The following TP73 variants were observed in gnomAD, a reference collection of about 807,000 sequenced individuals.
The protein encoded by TP73 is p53-like transcription factor.
Under a neutral mutation model 62.5 loss-of-function variants are expected in TP73, and 25 were observed. The observed-to-expected ratio is 0.40, with a 90% CI of 0.29 to 0.56. The LOEUF (loss-of-function observed/expected upper bound fraction) is 0.56. Ranked by LOEUF, TP73 falls within the 20% of genes least tolerant of loss-of-function variation. The pLI, the probability that TP73 is intolerant of heterozygous loss-of-function variation, is 0.46. For missense variants in TP73, 754 were observed against 913.3 expected, an observed-to-expected ratio of 0.83 and a Z score of 2.25; for synonymous variants, 423 against 377.5, an observed-to-expected ratio of 1.12 and a Z score of -1.40.
chr1:3,699,822 G>A lies in TP73; in HGVS notation c.187-7727G>A, dbSNP rs1639004365. Reference sequence around the variant, plus strand: ...GGGCCAGCGGGGCGTCAGGATTTCAGCTGACATCCCTACTACGCTTTTTCA... The same window carrying A: ...GGGCCAGCGGGGCGTCAGGATTTCAACTGACATCCCTACTACGCTTTTTCA... On this transcript the variant is annotated intron_variant, in intron 3 of 13. Coordinates refer to ENST00000378295, the MANE Select transcript of TP73 (RefSeq NM_005427.4). The surrounding 1 kb of genome is among the most constrained non-coding windows in gnomAD (Gnocchi z 4.1). Among the ~76,000 whole-genome samples the A allele has an allele frequency of 6.6e-6, 1 of 152,176 alleles. No homozygotes were observed. The highest frequency in any genetic ancestry group is 2.1e-4 in the South Asian group (1 of 4,832).
At chr1:3,687,454 G>A (rs1259076437) in intron 3 of TP73, among the ~76,000 whole-genome samples, 1 of 152,182 alleles carries the variant, frequency 6.6e-6, no homozygotes, top group Non-Finnish European at 1.5e-5. Context: ...GTGGGGCGGG[G>A]GTCCTATCCT....
chr1:3,719,626 C>T lies in TP73; in HGVS notation c.430-2395C>T, dbSNP rs368630758. Among the ~76,000 whole-genome samples the T allele has an allele frequency of 8.5e-5, 13 of 152,364 alleles. No homozygotes were observed. In the East Asian group the frequency reaches 9.6e-4, roughly 11 times the overall value. On this transcript the variant is annotated intron_variant, in intron 4 of 13. Coordinates refer to ENST00000378295, the MANE Select transcript of TP73 (RefSeq NM_005427.4). Reference sequence around the variant, plus strand: ...TCCGAGTCCCAGAGGGTCTGTGCTGCGAGCTGTTCCCATGTGCCCTGGGGG... The same window carrying T: ...TCCGAGTCCCAGAGGGTCTGTGCTGTGAGCTGTTCCCATGTGCCCTGGGGG...
rs1639601508 is a variant in TP73, at chr1:3,706,086, G to A, written c.187-1463G>A. Among the ~76,000 whole-genome samples, 3 of 152,290 alleles carry A rather than the reference G, an allele frequency of 2.0e-5. No homozygotes were observed. The South Asian group carries it at 6.2e-4, about 32-fold the overall frequency. ...CACAGCACACCACAGCTTCTCTAAA[G>A]AGGGACACAGGGCAGAATGACCGCC... On this transcript the variant is annotated intron_variant, in intron 3 of 13. Coordinates refer to ENST00000378295, the MANE Select transcript of TP73 (RefSeq NM_005427.4).
intron 4 of TP73, among the ~76,000 whole-genome samples, chr1:3,719,844 G>A (rs903928023): frequency 3.9e-5 from 6 of 152,202 alleles, no homozygotes; most frequent in African/African-American, 1.4e-4. Flanking sequence ...GCACAGGGGT[G>A]GGCTGCTAGC....
intron 4 of TP73, among the ~76,000 whole-genome samples, chr1:3,710,471 C>T (rs1291215471): frequency 6.6e-6 from 1 of 152,152 alleles, no homozygotes; most frequent in Non-Finnish European, 1.5e-5. Flanking sequence ...CGGGTGCTGC[C>T]CAGCCCTGCT....
At chr1:3,725,990 G>A (rs1365187874) in intron 6 of TP73, among the ~76,000 whole-genome samples, 6 of 116,864 alleles carry the variant, frequency 5.1e-5, no homozygotes, top group Non-Finnish European at 3.6e-5. Flanking sequence ...TGGATGGATG[G>A]ATGGGATGGG....
At chr1:3,673,840 G>C (rs1207808183) in intron 1 of TP73, among the ~76,000 whole-genome samples, 1 of 152,226 alleles carries the variant, frequency 6.6e-6, no homozygotes, top group Admixed American at 6.5e-5. Context: ...TTTCCAGAGA[G>C]GGGCTTCCCA....
At chr1:3,674,493 G>C (rs1409273350) in intron 1 of TP73, among the ~76,000 whole-genome samples, 2 of 152,246 alleles carry the variant, frequency 1.3e-5, no homozygotes, top group Admixed American at 6.5e-5. Context: ...CTCCTCACCA[G>C]GCCCTGCGGA....
At chr1:3,690,663 TTTG>T in intron 3 of TP73, 1 of 1,399,670 alleles carries the variant, frequency 7.1e-7, no homozygotes, top group South Asian at 1.5e-5. Flanking sequence ...GGCCGCGGGT[TTTG>T]TTGTTGGATT....
intron 4 of TP73, among the ~76,000 whole-genome samples, chr1:3,718,286 C>T (rs1213602654): frequency 2.6e-5 from 4 of 152,226 alleles, no homozygotes; most frequent in East Asian, 3.8e-4. Context: ...ACGGGAGTCC[C>T]TCAGACAGTG....
chr1:3,705,995 T>C (rs940963536), intron 3 of TP73, among the ~76,000 whole-genome samples: 1 of 152,130 alleles, frequency 6.6e-6, no homozygotes, highest in Non-Finnish European at 1.5e-5. Context: ...CACCCTCCTG[T>C]GCGGGCAGTG....
intron 1 of TP73, among the ~76,000 whole-genome samples, chr1:3,669,130 T>G (rs1200348678): frequency 6.6e-6 from 1 of 152,246 alleles, no homozygotes; most frequent in Non-Finnish European, 1.5e-5. Context: ...CACTTCCACC[T>G]GGCCCCACCG....
chr1:3,654,689 G>A (rs1036314178), intron 1 of TP73, among the ~76,000 whole-genome samples: 1 of 152,218 alleles, frequency 6.6e-6, no homozygotes, highest in African/African-American at 2.4e-5. Flanking sequence ...AGAGCCAGGA[G>A]CCCTGGGGAG....
Position 3,705,576 on chromosome 1 carries a change from G to A in TP73, c.187-1973G>A, listed in dbSNP as rs1049099897. The stretch of plus-strand genomic sequence containing the variant: ...AGCCAGGGCACGGGTCGCCCCTGAC[G>A]GCTCAGGCCTGCTGGGGCTGTTGGC... On this transcript the variant is annotated intron_variant, in intron 3 of 13. Transcript: ENST00000378295. 5.9e-5 allele frequency among the ~76,000 whole-genome samples: 9 copies of A among 152,258 alleles called. No homozygotes were observed. In the East Asian group the frequency reaches 1.2e-3, roughly 20 times the overall value.
intron 1 of TP73, among the ~76,000 whole-genome samples, chr1:3,669,933 T>C (rs1434923923): frequency 6.6e-6 from 1 of 152,202 alleles, no homozygotes; most frequent in African/African-American, 2.4e-5. Context: ...TGTGCATGTA[T>C]GTGCAAGTGT....
intron 3 of TP73, chr1:3,697,982 C>T: frequency 1.6e-6 from 1 of 643,982 alleles, no homozygotes; most frequent in African/African-American, 2.0e-5. Flanking sequence ...CCTCCCTGTA[C>T]CCTGCACTGC....
rs1641939932 is a variant in TP73 at position 3,729,314 on chromosome 1, C to T, written c.1075-13C>T. On this transcript the variant is annotated splice_polypyrimidine_tract_variant and intron_variant, in intron 9 of 13. Coordinates refer to ENST00000378295, the MANE Select transcript of TP73 (RefSeq NM_005427.4). Reference sequence around the variant, plus strand: ...TGGGGCACGTGGGCAGAGATCTGCTCCTCTGTGCTCAGGTGCGAGGCCGGG... The same window carrying T: ...TGGGGCACGTGGGCAGAGATCTGCTTCTCTGTGCTCAGGTGCGAGGCCGGG... 6.2e-7 allele frequency: 1 copy of T among 1,612,748 alleles called. No homozygotes were observed. Among genetic ancestry groups the T allele is most frequent in the African/African-American group, 1.3e-5 (1 of 74,936 alleles).
chr1:3,729,458 C>A lies in TP73; in HGVS notation c.1196+10C>A, dbSNP rs2124533619. ...AGCTCCTACAGAGGCCGTGAGTCAG[C>A]CCTAGCCCACCATCAGTGTGGGGAA... On this transcript the variant is annotated intron_variant, in intron 10 of 13. Coordinates refer to ENST00000378295, the MANE Select transcript of TP73 (RefSeq NM_005427.4). The A allele has an allele frequency of 6.2e-7, 1 of 1,612,476 alleles. No individual in the cohort carries two copies. Among genetic ancestry groups the A allele is most frequent in the Non-Finnish European group, 8.5e-7 (1 of 1,179,920 alleles).
chr1:3,730,782 C>G, intron 11 of TP73, 145 bp from the exon 12 acceptor site: 1 of 1,149,504 alleles, frequency 8.7e-7, no homozygotes, highest in Non-Finnish European at 1.2e-6. Context: ...GCTCAAGCCT[C>G]TAGCTGGCAG....
Sources: allele counts gnomAD v4.1 joint callset (sites outside exome capture counted in the v4.1 genomes callset), GRCh38; gene constraint gnomAD v4.1.1; non-coding constraint Gnocchi (gnomAD v3.1); transcripts MANE v1.5; gene names NCBI Gene and HGNC (gene_info 2026-07-23, HGNC 2026-07-21).